Variants in SCHIP1 observed in about 807,000 individuals in gnomAD.
SCHIP1 encodes the protein schwannomin-interacting protein 1.
SCHIP1 carries 8 observed loss-of-function variants against 29.7 expected under a neutral mutation model. That is an observed-to-expected ratio of 0.27 (90% CI 0.16 to 0.49). SCHIP1 has a LOEUF of 0.49. SCHIP1 is among the 20% of genes least tolerant of loss of function. SCHIP1 has a pLI of 0.99. For synonymous variants in SCHIP1, 76 were observed against 94.9 expected (o/e 0.80, Z 1.16); for missense variants, 193 against 294.6 (o/e 0.66, Z 2.52).
At chr3:159,587,683 T>C in the SCHIP1 span, among the ~76,000 whole-genome samples, 1 of 152,124 alleles carries the variant, frequency 6.6e-6, no homozygotes, top group South Asian at 2.1e-4. Flanking sequence ...AGTGTTCTCA[T>C]TGTTCAATTC....
intron 2 of SCHIP1, among the ~76,000 whole-genome samples, chr3:159,883,786 C>G (rs370631368): frequency 1.3e-5 from 2 of 152,090 alleles, no homozygotes; most frequent in African/African-American, 4.8e-5. Context: ...GGTACTAAGG[C>G]GATTTTCTGA....
rs185337355 is a variant in SCHIP1 at position 159,852,039 on chromosome 3, G to A, written c.30+11825G>A. ...GGAAGTATTTGCTTTATAGAAGTAG[G>A]GCTATTATAAACTACTTTGAAACAC... On this transcript the variant is annotated intron_variant, in intron 1 of 6. Coordinates refer to ENST00000445224, the Ensembl canonical transcript of SCHIP1. 1.7e-4 allele frequency among the ~76,000 whole-genome samples: 26 copies of A among 152,258 alleles called. No homozygotes were observed. The East Asian group carries it at 4.2e-3, about 25-fold the overall frequency.
the SCHIP1 span, among the ~76,000 whole-genome samples, chr3:159,635,751 T>C: frequency 6.6e-6 from 1 of 152,226 alleles, no homozygotes; most frequent in African/African-American, 2.4e-5. Context: ...AGCTTTTCAT[T>C]TGAAAACATA....
the SCHIP1 span, chr3:159,275,228 T>G: frequency 2.8e-6 from 1 of 353,190 alleles, no homozygotes; most frequent in Non-Finnish European, 4.0e-6. Context: ...GATTTATGAT[T>G]TCAGTTTTTT....
chr3:159,423,126 C>T, the SCHIP1 span, among the ~76,000 whole-genome samples: 29 of 152,296 alleles, frequency 1.9e-4, no homozygotes, highest in African/African-American at 6.3e-4. Flanking sequence ...CCAGCGTGAG[C>T]GAGGCAGAAG....
At chr3:159,724,081 C>A in the SCHIP1 span, among the ~76,000 whole-genome samples, 1 of 152,092 alleles carries the variant, frequency 6.6e-6, no homozygotes, top group African/African-American at 2.4e-5. Context: ...AATTTGATTT[C>A]CAGAATGGTA....
At chr3:159,689,912 A>G in the SCHIP1 span, among the ~76,000 whole-genome samples, 449 of 152,232 alleles carry the variant, frequency 2.9e-3, 1 homozygote, top group African/African-American at 4.8e-3. Flanking sequence ...ATTGATTTGC[A>G]TATGTTTAAC....
At chr3:159,754,330 T>C in the SCHIP1 span, among the ~76,000 whole-genome samples, 1 of 152,228 alleles carries the variant, frequency 6.6e-6, no homozygotes, top group Non-Finnish European at 1.5e-5. Flanking sequence ...AATTTTTAAA[T>C]ACTCTGGTAG....
the SCHIP1 span, among the ~76,000 whole-genome samples, chr3:159,810,580 A>G: frequency 6.6e-6 from 1 of 152,178 alleles, no homozygotes; most frequent in Non-Finnish European, 1.5e-5. Context: ...AATCTTTTAC[A>G]TCTGGCTTCT....
the SCHIP1 span, among the ~76,000 whole-genome samples, chr3:159,302,999 GTATT>G: frequency 6.6e-6 from 1 of 152,178 alleles, no homozygotes; most frequent in Non-Finnish European, 1.5e-5. Context: ...TATGAGGTAA[GTATT>G]ATACTATTAT....
chr3:159,348,919 G>C, the SCHIP1 span, among the ~76,000 whole-genome samples: 2 of 152,018 alleles, frequency 1.3e-5, no homozygotes, highest in African/African-American at 4.8e-5. Flanking sequence ...CTGTCCATAA[G>C]GAATGAGTAT....
At chr3:159,473,674 G>GAAAAAAGAAAAAAAAA in the SCHIP1 span, among the ~76,000 whole-genome samples, 1 of 81,446 alleles carries the variant, frequency 1.2e-5, no homozygotes, top group Non-Finnish European at 2.4e-5. Context: ...ATGTAACTAC[G>GAAAAAAGAAAAAAAAA]AAAAAAAAAA....
At chr3:159,341,590 AC>A in the SCHIP1 span, among the ~76,000 whole-genome samples, 1 of 151,474 alleles carries the variant, frequency 6.6e-6, no homozygotes, top group Non-Finnish European at 1.5e-5. Flanking sequence ...GCTTCTTTCT[AC>A]CCCCATCTGT....
At chr3:159,303,888 T>G in the SCHIP1 span, among the ~76,000 whole-genome samples, 1 of 152,156 alleles carries the variant, frequency 6.6e-6, no homozygotes, top group Non-Finnish European at 1.5e-5. Flanking sequence ...ATACTTTAAG[T>G]TTTAGGGTAC....
the SCHIP1 span, among the ~76,000 whole-genome samples, chr3:159,411,640 T>G: frequency 0.38 from 57,305 of 152,198 alleles, 11,814 homozygotes; most frequent in Non-Finnish European, 0.47. Context: ...CTATGAAGTC[T>G]TGTGTCATTT....
chr3:159,376,139 CAG>C, the SCHIP1 span, among the ~76,000 whole-genome samples: 3 of 151,976 alleles, frequency 2.0e-5, no homozygotes, highest in African/African-American at 4.8e-5. Context: ...TGTTAGGTAA[CAG>C]GGGAAAAAAG....
At chr3:159,346,156 C>T in the SCHIP1 span, among the ~76,000 whole-genome samples, 1 of 149,982 alleles carries the variant, frequency 6.7e-6, no homozygotes. Flanking sequence ...CCACTGCACT[C>T]CAGCCTGGGC....
the SCHIP1 span, among the ~76,000 whole-genome samples, chr3:159,502,116 G>T: frequency 6.6e-6 from 1 of 152,154 alleles, no homozygotes; most frequent in Non-Finnish European, 1.5e-5. Context: ...TTTAATAAAG[G>T]TGTTAACATG....
the SCHIP1 span, among the ~76,000 whole-genome samples, chr3:159,690,469 A>G: frequency 6.6e-6 from 1 of 151,994 alleles, no homozygotes; most frequent in Non-Finnish European, 1.5e-5. Flanking sequence ...TATTGTGTCT[A>G]TTTGATTCTT....
Sources: allele counts gnomAD v4.1 joint callset (sites outside exome capture counted in the v4.1 genomes callset), GRCh38; gene constraint gnomAD v4.1.1; transcripts MANE v1.5; gene names NCBI Gene and HGNC (gene_info 2026-07-23, HGNC 2026-07-21).